The following PALLD variants were observed in gnomAD, a reference collection of about 807,000 sequenced individuals.
PALLD encodes the protein palladin, cytoskeletal associated protein, also known as palladin.
A neutral mutation model predicts 123.5 loss-of-function variants in PALLD; 61 were observed. That is an observed-to-expected ratio of 0.49 (90% confidence interval 0.40 to 0.61). The LOEUF is 0.61. PALLD is among the 20% of genes least tolerant of loss of function. The probability of loss-of-function intolerance (pLI) is 0.00; values close to 1 mark genes in which losing one functional copy is unlikely to be tolerated. For synonymous variants in PALLD, 465 were observed against 496.4 expected, an observed-to-expected ratio of 0.94 and a Z score of 0.84; for missense variants, 1,273 against 1,377.0, an observed-to-expected ratio of 0.92 and a Z score of 1.20.
At chr4:168,670,331 T>G (rs1404109249) in intron 3 of PALLD, among the ~76,000 whole-genome samples, 1 of 152,238 alleles carries the variant, frequency 6.6e-6, no homozygotes, top group Non-Finnish European at 1.5e-5. Flanking sequence ...CAACATTTAT[T>G]AAGATCCTAC....
At chr4:168,668,471 A>T (rs765356538) in intron 3 of PALLD, 103 bp downstream of exon 3, 1 of 892,028 alleles carries the variant, frequency 1.1e-6, no homozygotes. Flanking sequence ...AAATGGCACA[A>T]TGGTGTTCTA....
chr4:168,636,162 T>C (rs897903900), intron 2 of PALLD, among the ~76,000 whole-genome samples: 1 of 152,106 alleles, frequency 6.6e-6, no homozygotes, highest in Non-Finnish European at 1.5e-5. Context: ...ACAAAGCATG[T>C]GAGTGGTAGA....
At chr4:168,570,728 T>C (rs1038001223) in intron 2 of PALLD, among the ~76,000 whole-genome samples, 3 of 152,184 alleles carry the variant, frequency 2.0e-5, no homozygotes, top group African/African-American at 7.2e-5. Flanking sequence ...AGGGACATTT[T>C]TTTATAGTCA....
chr4:168,575,390 C>A (rs1478293906), intron 2 of PALLD, among the ~76,000 whole-genome samples: 1 of 151,914 alleles, frequency 6.6e-6, no homozygotes, highest in Non-Finnish European at 1.5e-5. Context: ...GTAGGAGGAT[C>A]TGTCAAACAC....
intron 10 of PALLD, among the ~76,000 whole-genome samples, chr4:168,784,119 G>A (rs373164685): frequency 6.6e-6 from 1 of 152,162 alleles, no homozygotes; most frequent in East Asian, 1.9e-4. Context: ...AGAGCTAGGA[G>A]CAAGAGCTTA....
chr4:168,513,956 A>C (rs1241270695), intron 2 of PALLD, among the ~76,000 whole-genome samples: 2 of 152,080 alleles, frequency 1.3e-5, no homozygotes, highest in Non-Finnish European at 2.9e-5. Context: ...AATACAAAAA[A>C]TTAGCCAGGC....
At chr4:168,658,432 G>A (rs773091963) in intron 2 of PALLD, among the ~76,000 whole-genome samples, 7 of 151,930 alleles carry the variant, frequency 4.6e-5, no homozygotes, top group Non-Finnish European at 8.8e-5. Flanking sequence ...CTACTGACAC[G>A]TGCCACCATG....
intron 8 of PALLD, among the ~76,000 whole-genome samples, chr4:168,692,663 G>A (rs910911938): frequency 2.0e-5 from 3 of 152,180 alleles, no homozygotes; most frequent in Non-Finnish European, 4.4e-5. Flanking sequence ...AGCTTTTTAT[G>A]TGAAACAAAC....
intron 2 of PALLD, among the ~76,000 whole-genome samples, chr4:168,637,238 G>A (rs183333043): frequency 4.5e-4 from 68 of 152,040 alleles, no homozygotes; most frequent in Admixed American, 1.9e-3. Flanking sequence ...GAGTGAAAGG[G>A]GCTTCTCCCT....
At chr4:168,881,253 T>C (rs1029806502) in intron 10 of PALLD, among the ~76,000 whole-genome samples, 1 of 152,166 alleles carries the variant, frequency 6.6e-6, no homozygotes, top group African/African-American at 2.4e-5. Flanking sequence ...TTTATTCTGT[T>C]TGTTTCACAC....
chr4:168,835,928 A>C (rs1449633870), intron 10 of PALLD, among the ~76,000 whole-genome samples: 1 of 152,202 alleles, frequency 6.6e-6, no homozygotes, highest in Non-Finnish European at 1.5e-5. Flanking sequence ...AGATAAAATG[A>C]AATAAGGAGA....
intron 2 of PALLD, among the ~76,000 whole-genome samples, chr4:168,615,994 T>G (rs116819371): frequency 0.022 from 3,353 of 152,258 alleles, 124 homozygotes; most frequent in African/African-American, 0.076. Flanking sequence ...ATTTTTTTCT[T>G]TTTCCTTTTT....
Position 168,776,840 on chromosome 4 carries a change from A to G in PALLD, c.1964+64917A>G, listed in dbSNP as rs552823527. Among the ~76,000 whole-genome samples, 34 of 152,276 alleles carry G rather than the reference A, an allele frequency of 2.2e-4. 1 individual carries two copies. Among genetic ancestry groups the G allele is most frequent in the African/African-American group, 7.9e-4 (33 of 41,552 alleles). ...GATAAGCCCCATTTCATCATGATGT[A>G]ATTACCTTTATTGTTGTATTTGATT... On this transcript the variant is annotated intron_variant, in intron 10 of 21. Coordinates refer to ENST00000505667, the MANE Select transcript of PALLD (RefSeq NM_001166108.2).
At chr4:168,571,185 G>T (rs932308668) in intron 2 of PALLD, among the ~76,000 whole-genome samples, 1 of 152,100 alleles carries the variant, frequency 6.6e-6, no homozygotes, top group African/African-American at 2.4e-5. Context: ...TCTCCCAGAA[G>T]CTTTCCAGAG....
chr4:168,758,756 TC>T (rs1204381252), intron 10 of PALLD, among the ~76,000 whole-genome samples: 2 of 152,042 alleles, frequency 1.3e-5, no homozygotes, highest in East Asian at 1.9e-4. Context: ...GTTTTCTTTT[TC>T]CCCCTCCCAC....
intron 2 of PALLD, chr4:168,598,377 G>T: frequency 1.7e-6 from 1 of 605,924 alleles, no homozygotes; most frequent in South Asian, 1.5e-5. Context: ...AACTTCCTGA[G>T]ACTTGTTAAG....
chr4:168,585,301 A>AGTGT lies in PALLD; in HGVS notation c.908+72910_908+72913dup, dbSNP rs3036319. Among the ~76,000 whole-genome samples the AGTGT allele has an allele frequency of 1.4e-3, 205 of 150,248 alleles. 1 individual carries two copies. The highest frequency in any genetic ancestry group is 4.8e-3 in the African/African-American group (197 of 40,882). On this transcript the variant is annotated intron_variant, in intron 2 of 21. Transcript: ENST00000505667. ...GTGACCATGAGAATATATGAGTGTG[A>AGTGT]GTGTGTGTGTGTGTGTGTGTGTGTC...
chr4:168,588,956 T>G (rs1771123973), intron 2 of PALLD, among the ~76,000 whole-genome samples: 1 of 152,234 alleles, frequency 6.6e-6, no homozygotes, highest in African/African-American at 2.4e-5. Flanking sequence ...TTGTGGAAAT[T>G]TCATCTGTTC....
At chr4:168,723,810 GCCT>G (rs1660867992) in intron 10 of PALLD, among the ~76,000 whole-genome samples, 1 of 151,562 alleles carries the variant, frequency 6.6e-6, no homozygotes, top group Non-Finnish European at 1.5e-5. Flanking sequence ...TTACTTTTTA[GCCT>G]CCTATTTATT....
Sources: gnomAD v4.1 joint callset for allele counts (sites outside exome capture counted in the v4.1 genomes callset) on GRCh38, gnomAD v4.1.1 for gene constraint, MANE v1.5 for transcripts, NCBI Gene and HGNC (gene_info 2026-07-23, HGNC 2026-07-21) for gene names.